BMPR1B: variants seen among roughly 807,000 people sequenced by gnomAD.
BMPR1B encodes bone morphogenetic protein receptor type 1B, also known as bone morphogenetic protein receptor type-1B.
Under a neutral mutation model 59.1 loss-of-function variants are expected in BMPR1B, and 12 were observed. The ratio of observed to expected loss-of-function variants is 0.20; its 90% CI spans 0.13 to 0.33. The LOEUF is 0.33. BMPR1B is among the 10% of genes least tolerant of loss of function. The pLI is 1.00. For missense variants in BMPR1B, 550 were observed against 610.9 expected, an observed-to-expected ratio of 0.90 and a Z score of 1.05; for synonymous variants, 237 against 207.3, an observed-to-expected ratio of 1.14 and a Z score of -1.23.
chr4:94,758,490 G>A (rs1016635246), intron 1 of BMPR1B, among the ~76,000 whole-genome samples: 2 of 151,974 alleles, frequency 1.3e-5, no homozygotes, highest in African/African-American at 4.8e-5. Context: ...CGAGCTGAGG[G>A]CAGTCGCGGA....
At chr4:94,867,669 C>T (rs1404409531) in intron 1 of BMPR1B, among the ~76,000 whole-genome samples, 3 of 152,104 alleles carry the variant, frequency 2.0e-5, no homozygotes, top group Non-Finnish European at 4.4e-5. Context: ...TTTAGAGTTT[C>T]CCTGGGACGT....
chr4:94,988,082 C>T (rs764061390), intron 2 of BMPR1B, among the ~76,000 whole-genome samples: 3 of 152,048 alleles, frequency 2.0e-5, no homozygotes, highest in Non-Finnish European at 4.4e-5. Context: ...TAAGAAATCT[C>T]TACTTACAGG....
intron 3 of BMPR1B, among the ~76,000 whole-genome samples, chr4:95,081,715 G>A (rs1729153217): frequency 6.6e-6 from 1 of 152,108 alleles, no homozygotes; most frequent in South Asian, 2.1e-4. Context: ...ACTCCGTGAT[G>A]TCCAATTTTA....
intron 3 of BMPR1B, among the ~76,000 whole-genome samples, chr4:95,017,781 A>G (rs1169423754): frequency 6.6e-6 from 1 of 152,134 alleles, no homozygotes; most frequent in Non-Finnish European, 1.5e-5. Context: ...TGGCCTTGGT[A>G]TATATCTTTT....
intron 2 of BMPR1B, among the ~76,000 whole-genome samples, chr4:94,941,603 G>GT (rs1729516591): frequency 6.6e-6 from 1 of 152,076 alleles, no homozygotes; most frequent in African/African-American, 2.4e-5. Context: ...AGGTTAGCAG[G>GT]TGGTGTTGGC....
At chr4:95,148,652 CT>C (rs1486100236) in intron 10 of BMPR1B, 95 bp from the exon 11 acceptor site, 12 of 1,304,296 alleles carry the variant, frequency 9.2e-6, no homozygotes, top group Non-Finnish European at 1.3e-5. Context: ...TTCTTTTCCA[CT>C]TTTCACTAAC....
intron 1 of BMPR1B, among the ~76,000 whole-genome samples, chr4:94,783,866 A>G (rs1339700541): frequency 6.6e-6 from 1 of 152,108 alleles, no homozygotes; most frequent in East Asian, 1.9e-4. Context: ...GGGGATGAGA[A>G]GTGCTGGTGG....
At chr4:94,898,354 C>T (rs1418776606) in intron 2 of BMPR1B, among the ~76,000 whole-genome samples, 2 of 151,946 alleles carry the variant, frequency 1.3e-5, no homozygotes, top group Admixed American at 6.6e-5. Context: ...TTTGGCTTGC[C>T]CCCATCCAAA....
intron 2 of BMPR1B, among the ~76,000 whole-genome samples, chr4:94,970,306 T>TTCTTTCTC (rs1730735108): frequency 2.0e-5 from 2 of 98,342 alleles, no homozygotes; most frequent in African/African-American, 7.5e-5. Flanking sequence ...CTTCTCTTCT[T>TTCTTTCTC]TCTCTCTCTC....
chr4:94,841,629 G>A (rs928527248), intron 1 of BMPR1B, among the ~76,000 whole-genome samples: 2 of 152,054 alleles, frequency 1.3e-5, no homozygotes, highest in Non-Finnish European at 2.9e-5. Context: ...GCTCGCACAC[G>A]GTGCGCGCAC....
At chr4:95,053,281 T>TTTGTGTG (rs947790944) in intron 3 of BMPR1B, among the ~76,000 whole-genome samples, 141 of 134,324 alleles carry the variant, frequency 1.0e-3, no homozygotes, top group African/African-American at 3.6e-3. Context: ...TGCAGGGCAC[T>TTTGTGTG]TGTGTGTGTG....
intron 1 of BMPR1B, among the ~76,000 whole-genome samples, chr4:94,839,699 C>T (rs1490164894): frequency 7.2e-6 from 1 of 139,632 alleles, no homozygotes; most frequent in Non-Finnish European, 1.6e-5. Flanking sequence ...ACTGATGGGT[C>T]TTGACTCTTT....
chr4:95,106,519 A>T (rs1006946260), intron 4 of BMPR1B, among the ~76,000 whole-genome samples: 2 of 152,028 alleles, frequency 1.3e-5, no homozygotes, highest in African/African-American at 2.4e-5. Flanking sequence ...GATGGATTAG[A>T]TACCATCTAG....
chr4:94,782,613 A>C (rs191859650), intron 1 of BMPR1B, among the ~76,000 whole-genome samples: 12 of 152,160 alleles, frequency 7.9e-5, no homozygotes, highest in Non-Finnish European at 1.8e-4. Flanking sequence ...GCCAGTTACT[A>C]TACTTTTTAT....
chr4:94,844,199 T>C (rs1225059492), intron 1 of BMPR1B, among the ~76,000 whole-genome samples: 1 of 151,946 alleles, frequency 6.6e-6, no homozygotes, highest in Non-Finnish European at 1.5e-5. Flanking sequence ...GAAACTAATG[T>C]AGCCATTCTA....
At chr4:95,032,588 CTA>C (rs1724951292) in intron 3 of BMPR1B, among the ~76,000 whole-genome samples, 1 of 152,280 alleles carries the variant, frequency 6.6e-6, no homozygotes, top group African/African-American at 2.4e-5. Context: ...GAATTTGACT[CTA>C]TATAGCTCAT....
chr4:95,087,171 G>A (rs1343057259), intron 3 of BMPR1B, among the ~76,000 whole-genome samples: 1 of 152,012 alleles, frequency 6.6e-6, no homozygotes, highest in Non-Finnish European at 1.5e-5. Flanking sequence ...GGGATTACAG[G>A]TGTGTGCCAC....
At chr4:94,998,209 A>G (rs1283190205) in intron 3 of BMPR1B, among the ~76,000 whole-genome samples, 6 of 152,128 alleles carry the variant, frequency 3.9e-5, no homozygotes, top group Admixed American at 6.6e-5. Context: ...TTTTATATGC[A>G]GGTATATTAT....
At position 94,872,857 on chromosome 4, in the gene BMPR1B, C is replaced by T. The variant is rs561561140; in HGVS notation, c.-182-2974C>T. Among the ~76,000 whole-genome samples, 31 of 152,266 alleles carry T rather than the reference C, an allele frequency of 2.0e-4. 1 individual carries two copies. The South Asian group carries it at 5.8e-3, about 28-fold the overall frequency. ...CTGAACTTTAGATGTGAAAGTTGTA[C>T]GAGGCAGTTTCTGCACCTAAGAAGT... On this transcript the variant is annotated intron_variant, in intron 1 of 12. Coordinates refer to ENST00000515059, the MANE Select transcript of BMPR1B (RefSeq NM_001203.3).
Sources: gnomAD v4.1 joint callset for allele counts (sites outside exome capture counted in the v4.1 genomes callset) on GRCh38, gnomAD v4.1.1 for gene constraint, MANE v1.5 for transcripts, NCBI Gene and HGNC (gene_info 2026-07-23, HGNC 2026-07-21) for gene names.